Variants in IQCM observed in about 807,000 individuals in gnomAD.
IQCM encodes IQ motif containing M, also known as IQ domain-containing protein M.
IQCM carries 45 observed loss-of-function variants against 57.6 expected under a neutral mutation model. The ratio of observed to expected loss-of-function variants is 0.78; its 90% confidence interval spans 0.62 to 1.00. IQCM has a LOEUF of 1.00. IQCM is among the 50% of genes least tolerant of loss of function. IQCM has a pLI of 0.00. For missense variants in IQCM, 468 were observed against 511.6 expected (o/e 0.91, Z 0.82); for synonymous variants, 148 against 158.9 (o/e 0.93, Z 0.51).
At chr4:149,808,259 C>T (rs1265044282) in intron 2 of IQCM, among the ~76,000 whole-genome samples, 1 of 152,042 alleles carries the variant, frequency 6.6e-6, no homozygotes, top group Admixed American at 6.6e-5. Context: ...CTGTCATTTG[C>T]AGCAACGTGG....
At chr4:149,445,195 T>G (rs1736373362) in intron 12 of IQCM, among the ~76,000 whole-genome samples, 1 of 151,794 alleles carries the variant, frequency 6.6e-6, no homozygotes, top group Admixed American at 6.6e-5. Flanking sequence ...GTGGTCTTCT[T>G]GGTTCAAAGA....
intron 13 of IQCM, among the ~76,000 whole-genome samples, chr4:149,364,193 C>G (rs530850670): frequency 8.5e-5 from 13 of 152,222 alleles, no homozygotes; most frequent in African/African-American, 3.1e-4. Context: ...GTACCTCACA[C>G]TGGAGGAATA....
intron 5 of IQCM, among the ~76,000 whole-genome samples, chr4:149,720,927 T>C (rs143433827): frequency 2.6e-5 from 4 of 152,332 alleles, no homozygotes; most frequent in Non-Finnish European, 4.4e-5. Context: ...TTCCATCTCA[T>C]TGAAAACAAT....
At chr4:149,751,608 A>AGG (rs1768450110) in intron 2 of IQCM, among the ~76,000 whole-genome samples, 2 of 152,194 alleles carry the variant, frequency 1.3e-5, no homozygotes, top group African/African-American at 4.8e-5. Context: ...TAATCTTTAT[A>AGG]TCTCACAGGG....
intron 2 of IQCM, among the ~76,000 whole-genome samples, chr4:149,764,799 C>A (rs574983302): frequency 7.0e-4 from 106 of 152,090 alleles, no homozygotes; most frequent in Non-Finnish European, 1.3e-3. Context: ...ACAAAAATGA[C>A]AAGTCGCAAG....
At chr4:149,474,555 A>C (rs1174207647) in intron 12 of IQCM, among the ~76,000 whole-genome samples, 3 of 1,106 alleles carry the variant, frequency 2.7e-3, no homozygotes, top group Admixed American at 0.038. Flanking sequence ...TAAAAATACA[A>C]AAAAAAAAAA....
At chr4:149,372,400 G>C (rs1382424447) in intron 13 of IQCM, among the ~76,000 whole-genome samples, 1 of 152,016 alleles carries the variant, frequency 6.6e-6, no homozygotes, top group African/African-American at 2.4e-5. Context: ...AAACTCTAGG[G>C]GATGTGCCTG....
At chr4:149,475,561 T>A (rs1412959258) in intron 12 of IQCM, among the ~76,000 whole-genome samples, 1 of 151,658 alleles carries the variant, frequency 6.6e-6, no homozygotes, top group Non-Finnish European at 1.5e-5. Flanking sequence ...ATGGAAGAGA[T>A]CACCATGGGG....
chr4:149,601,796 T>C (rs1441839408), intron 8 of IQCM, among the ~76,000 whole-genome samples: 2 of 152,104 alleles, frequency 1.3e-5, no homozygotes, highest in African/African-American at 4.8e-5. Flanking sequence ...CGGTGGCTCA[T>C]GCCTGTAATC....
chr4:149,626,950 A>G (rs1347475732), intron 7 of IQCM, among the ~76,000 whole-genome samples: 1 of 152,192 alleles, frequency 6.6e-6, no homozygotes, highest in Non-Finnish European at 1.5e-5. Flanking sequence ...AAAAAAAAGA[A>G]CAAAAAATGT....
rs530098263 is a variant in IQCM, at chr4:149,654,230, T to C, written c.565+27888A>G. Among the ~76,000 whole-genome samples, 3 of 152,300 alleles carry C rather than the reference T, an allele frequency of 2.0e-5. No homozygotes were observed. In the South Asian group the frequency reaches 6.2e-4, roughly 32 times the overall value. On this transcript the variant is annotated intron_variant, in intron 7 of 13. Coordinates refer to ENST00000636793, the MANE Select transcript of IQCM (RefSeq NM_001363507.2). The stretch of plus-strand genomic sequence containing the variant: ...TCTCACTGTCTTCCTTTCTTAAATA[T>C]CTACTGTATGATATGGTTTGGATCT...
chr4:149,385,687 A>C (rs2111056476), intron 13 of IQCM, among the ~76,000 whole-genome samples: 1 of 152,204 alleles, frequency 6.6e-6, no homozygotes, highest in African/African-American at 2.4e-5. Context: ...CTATGTCTCA[A>C]GTCAGAAATC....
At chr4:149,486,191 C>A (rs1009871200) in intron 12 of IQCM, among the ~76,000 whole-genome samples, 8 of 152,022 alleles carry the variant, frequency 5.3e-5, no homozygotes, top group African/African-American at 1.7e-4. Context: ...TGCTCAAGGC[C>A]CTTCTCTTCA....
At chr4:149,492,019 G>C (rs2149776810) in intron 12 of IQCM, among the ~76,000 whole-genome samples, 1 of 152,024 alleles carries the variant, frequency 6.6e-6, no homozygotes, top group South Asian at 2.1e-4. Context: ...TTTTGAGCAT[G>C]TTTTTTATAC....
At chr4:149,545,631 T>C (rs1748318569) in intron 12 of IQCM, among the ~76,000 whole-genome samples, 1 of 152,122 alleles carries the variant, frequency 6.6e-6, no homozygotes, top group Non-Finnish European at 1.5e-5. Context: ...TATTATGGAA[T>C]TTCCTTAAAC....
intron 5 of IQCM, among the ~76,000 whole-genome samples, chr4:149,706,067 A>G (rs1580070805): frequency 6.6e-6 from 1 of 152,086 alleles, no homozygotes; most frequent in East Asian, 1.9e-4. Context: ...ATTGCAAAAT[A>G]GGATATTCTT....
intron 8 of IQCM, among the ~76,000 whole-genome samples, chr4:149,616,741 G>C (rs1286552868): frequency 1.3e-5 from 2 of 152,034 alleles, no homozygotes; most frequent in African/African-American, 4.8e-5. Context: ...CGGCAGCGGG[G>C]TGTGGGGAGG....
chr4:149,515,550 C>G (rs1464796104), intron 12 of IQCM, among the ~76,000 whole-genome samples: 4 of 152,142 alleles, frequency 2.6e-5, no homozygotes, highest in Non-Finnish European at 4.4e-5. Context: ...AGACTAGGGC[C>G]TGGTTCACAG....
chr4:149,675,311 T>C (rs915324984), intron 7 of IQCM, among the ~76,000 whole-genome samples: 1 of 151,800 alleles, frequency 6.6e-6, no homozygotes, highest in Non-Finnish European at 1.5e-5. Context: ...CTGAGCATGC[T>C]AGGGAAGACA....
Sources: gnomAD v4.1 joint callset for allele counts (sites outside exome capture counted in the v4.1 genomes callset) on GRCh38, gnomAD v4.1.1 for gene constraint, MANE v1.5 for transcripts, NCBI Gene and HGNC (gene_info 2026-07-23, HGNC 2026-07-21) for gene names.